PLGRKT: variants seen among roughly 807,000 people sequenced by gnomAD.
PLGRKT encodes the protein plasminogen receptor (KT).
PLGRKT carries 22 observed loss-of-function variants against 18.5 expected under a neutral mutation model. That is an observed-to-expected ratio of 1.19 (90% CI 0.85 to 1.70). The LOEUF is 1.70. Among genes scored for constraint, PLGRKT ranks in the 40% most tolerant of loss-of-function variants. The probability of loss-of-function intolerance (pLI) is 0.00; values close to 1 mark genes in which losing one functional copy is unlikely to be tolerated. For missense variants in PLGRKT, 235 were observed against 174.4 expected (o/e 1.35, Z -1.96); for synonymous variants, 72 against 52.8 (o/e 1.36, Z -1.58).
At position 5,404,836 on chromosome 9, in the gene PLGRKT, T is replaced by C. The variant is rs190870019; in HGVS notation, c.81+27061A>G. On this transcript the variant is annotated intron_variant, in intron 3 of 5. Coordinates refer to ENST00000223864, the MANE Select transcript of PLGRKT (RefSeq NM_018465.4). ...TCAAATAGGAAGAGAGGAGATCAAA[T>C]TGTCTTTGTTTGCAGATGACATGAC... Among the ~76,000 whole-genome samples the C allele has an allele frequency of 5.2e-4, 79 of 152,284 alleles. 1 individual carries two copies. The highest frequency in any genetic ancestry group is 5.0e-3 in the Admixed American group (77 of 15,288).
chr9:5,394,807 T>A (rs1818014987), intron 3 of PLGRKT, among the ~76,000 whole-genome samples: 1 of 151,932 alleles, frequency 6.6e-6, no homozygotes, highest in African/African-American at 2.4e-5. Context: ...ATCAGTGATT[T>A]AAACATGTCT....
Position 5,422,089 on chromosome 9 carries a change from T to A in PLGRKT, c.81+9808A>T, listed in dbSNP as rs1336512617. Among the ~76,000 whole-genome samples the A allele has an allele frequency of 3.9e-5, 6 of 152,182 alleles. No homozygotes were observed. In the East Asian group the frequency reaches 1.2e-3, roughly 29 times the overall value. On this transcript the variant is annotated intron_variant, in intron 3 of 5. Transcript: ENST00000223864. ...CAGGTAGTAAAAGTTCTTAATAAAT[T>A]TCCACACAACGAATGTCAAAGGAAT... is the stretch of plus-strand genomic sequence containing the variant.
At chr9:5,396,461 T>A (rs1365855223) in intron 3 of PLGRKT, among the ~76,000 whole-genome samples, 1 of 149,472 alleles carries the variant, frequency 6.7e-6, no homozygotes, top group Non-Finnish European at 1.5e-5. Flanking sequence ...AATTTTTGTA[T>A]TTTTAGTATT....
rs1818965234 is a variant in PLGRKT, at chr9:5,436,638, G to A, written c.-76C>T. Reference sequence around the variant, plus strand: ...ATGTGTTAGAGGACGCTCCCAGGTGGAAGGGTTAAAGGTGGAAGCCAAGCA... The same window carrying A: ...ATGTGTTAGAGGACGCTCCCAGGTGAAAGGGTTAAAGGTGGAAGCCAAGCA... On this transcript the variant is annotated 5_prime_UTR_variant, in exon 2 of 6. Coordinates refer to ENST00000223864, the MANE Select transcript of PLGRKT (RefSeq NM_018465.4). 6.6e-6 allele frequency: 1 copy of A among 152,228 alleles called. No homozygotes were observed. Among genetic ancestry groups the A allele is most frequent in the Admixed American group, 6.5e-5 (1 of 15,282 alleles). The allele number at this position is 152,228 out of a possible 1,614,324, so 9.4% of individuals were successfully genotyped here.
At position 5,386,086 on chromosome 9, in the gene PLGRKT, C is replaced by A. The variant is rs1272505435; in HGVS notation, c.82-24198G>T. Among the ~76,000 whole-genome samples the A allele has an allele frequency of 2.0e-5, 3 of 151,756 alleles. No individual in the cohort carries two copies. The South Asian group carries it at 6.2e-4, about 31-fold the overall frequency. ...GACCTGAGGACAAGGAGAACAGATG[C>A]AAGAAAATGCGAATGCACTGGATGT... On this transcript the variant is annotated intron_variant, in intron 3 of 5. Coordinates refer to ENST00000223864, the MANE Select transcript of PLGRKT (RefSeq NM_018465.4).
chr9:5,399,578 T>C (rs1236395714), intron 3 of PLGRKT, among the ~76,000 whole-genome samples: 1 of 151,966 alleles, frequency 6.6e-6, no homozygotes, highest in Non-Finnish European at 1.5e-5. Flanking sequence ...TAGAAATGAA[T>C]TAATTTTCAA....
At chr9:5,398,073 G>C in intron 3 of PLGRKT, among the ~76,000 whole-genome samples, 1 of 151,882 alleles carries the variant, frequency 6.6e-6, no homozygotes, top group Admixed American at 6.5e-5. Context: ...AGGTAGATTA[G>C]GATATCAGTG....
At chr9:5,396,086 G>C (rs1471021901) in intron 3 of PLGRKT, among the ~76,000 whole-genome samples, 3 of 151,306 alleles carry the variant, frequency 2.0e-5, no homozygotes, top group Non-Finnish European at 2.9e-5. Context: ...TAGAGACGGG[G>C]TTTCACCATG....
At chr9:5,370,628 G>A (rs558674596) in intron 3 of PLGRKT, among the ~76,000 whole-genome samples, 1 of 152,064 alleles carries the variant, frequency 6.6e-6, no homozygotes, top group South Asian at 2.1e-4. Context: ...TATTCTACAT[G>A]TTCTACCACA....
At chr9:5,387,841 G>C (rs1300830957) in intron 3 of PLGRKT, among the ~76,000 whole-genome samples, 2 of 151,856 alleles carry the variant, frequency 1.3e-5, no homozygotes, top group Non-Finnish European at 2.9e-5. Context: ...TAACAATAGG[G>C]AGAGCAGTTA....
At chr9:5,411,857 G>C (rs1030636088) in intron 3 of PLGRKT, among the ~76,000 whole-genome samples, 1 of 152,020 alleles carries the variant, frequency 6.6e-6, no homozygotes, top group Admixed American at 6.5e-5. Context: ...TCCTATTCTT[G>C]AATAAAATGA....
rs1818511504 is a variant in PLGRKT, at chr9:5,418,642, A to C, written c.81+13255T>G. ...CAGGTGGCGGCTCATATCTCCGGGC[A>C]GCAGCGCGTGCTCCTTGGAGATGGG... On this transcript the variant is annotated intron_variant, in intron 3 of 5. Transcript: ENST00000223864. The surrounding 1 kb of genome is among the most constrained non-coding windows in gnomAD (Gnocchi z 4.2). 4.3e-6 allele frequency: 3 copies of C among 695,536 alleles called. No homozygotes were observed. The highest frequency in any genetic ancestry group is 8.1e-6 in the Non-Finnish European group (3 of 372,102). 43.1% of individuals were successfully genotyped at this position (695,536 alleles called of 1,614,324 possible).
At position 5,358,220 on chromosome 9, in the gene PLGRKT, T is replaced by C; in HGVS notation, c.*19A>G. The stretch of plus-strand genomic sequence containing the variant: ...AGTCAATAATTCTGTGCTTTGAGAT[T>C]TGATTGGTAAGCATGATTTCATTTG... On this transcript the variant is annotated 3_prime_UTR_variant, in exon 6 of 6. Transcript: ENST00000223864. 2 of 1,593,140 alleles carry C rather than the reference T, an allele frequency of 1.3e-6. No homozygotes were observed. Among genetic ancestry groups the C allele is most frequent in the Non-Finnish European group, 1.7e-6 (2 of 1,164,176 alleles).
intron 3 of PLGRKT, among the ~76,000 whole-genome samples, chr9:5,366,304 G>C (rs1208917584): frequency 6.6e-6 from 1 of 152,056 alleles, no homozygotes; most frequent in East Asian, 1.9e-4. Context: ...AAGCAAAACA[G>C]AACATGTGCA....
chr9:5,374,868 A>G (rs779382527), intron 3 of PLGRKT, among the ~76,000 whole-genome samples: 51 of 152,200 alleles, frequency 3.4e-4, no homozygotes, highest in Non-Finnish European at 4.0e-4. Flanking sequence ...AATACCATTA[A>G]TTCCTCAAAC....
Position 5,369,712 on chromosome 9 carries a change from C to A in PLGRKT, c.82-7824G>T, listed in dbSNP as rs550852806. 9.9e-5 allele frequency among the ~76,000 whole-genome samples: 15 copies of A among 152,124 alleles called. No individual in the cohort carries two copies. The South Asian group carries it at 2.7e-3, about 27-fold the overall frequency. On this transcript the variant is annotated intron_variant, in intron 3 of 5. Coordinates refer to ENST00000223864, the MANE Select transcript of PLGRKT (RefSeq NM_018465.4). ...CAAATGCCCATCAATGATAGACTGGCTAAAGAAAATGTGGCACATATACAC... is the reference window on the plus strand; with the variant it reads ...CAAATGCCCATCAATGATAGACTGGATAAAGAAAATGTGGCACATATACAC...
chr9:5,394,740 A>G (rs545607419), intron 3 of PLGRKT, among the ~76,000 whole-genome samples: 12 of 152,050 alleles, frequency 7.9e-5, no homozygotes, highest in African/African-American at 2.9e-4. Context: ...ATAACTTTTC[A>G]TTTAGGAAAA....
intron 3 of PLGRKT, among the ~76,000 whole-genome samples, chr9:5,413,030 A>T (rs998248730): frequency 1.3e-5 from 2 of 152,202 alleles, no homozygotes; most frequent in African/African-American, 4.8e-5. Flanking sequence ...TTAAAGCAAG[A>T]CTGAGATACC....
chr9:5,435,537 T>C (rs1379448734), intron 2 of PLGRKT, among the ~76,000 whole-genome samples: 2 of 152,190 alleles, frequency 1.3e-5, no homozygotes, highest in African/African-American at 2.4e-5. Flanking sequence ...AACATACAGA[T>C]ACTTGAATGT....
Sources: gnomAD v4.1 joint callset for allele counts (sites outside exome capture counted in the v4.1 genomes callset) on GRCh38, gnomAD v4.1.1 for gene constraint, Gnocchi (gnomAD v3.1) non-coding constraint, MANE v1.5 for transcripts, NCBI Gene and HGNC (gene_info 2026-07-23, HGNC 2026-07-21) for gene names.